Variants in TEKT3 observed in about 807,000 individuals in gnomAD.
The protein encoded by TEKT3 is tektin 3.
A neutral mutation model predicts 49.8 loss-of-function variants in TEKT3; 49 were observed. That is an observed-to-expected ratio of 0.98 (90% CI 0.78 to 1.25). The LOEUF (loss-of-function observed/expected upper bound fraction) is 1.25, where lower values mean the gene tolerates loss of function less well. Among genes scored for constraint, TEKT3 ranks in the 50% most tolerant of loss-of-function variants. The probability of loss-of-function intolerance (pLI) is 0.00; values close to 1 mark genes in which losing one functional copy is unlikely to be tolerated. For missense variants in TEKT3, 595 were observed against 629.5 expected, an observed-to-expected ratio of 0.95 and a Z score of 0.59; for synonymous variants, 225 against 237.2, an observed-to-expected ratio of 0.95 and a Z score of 0.47.
intron 2 of TEKT3, among the ~76,000 whole-genome samples, chr17:15,337,781 C>T (rs1168535112): frequency 6.6e-6 from 1 of 152,110 alleles, no homozygotes; most frequent in Non-Finnish European, 1.5e-5. Flanking sequence ...GCGGAGGTTG[C>T]AGTGAGCCGA....
chr17:15,337,636 G>A (rs575473801), intron 2 of TEKT3, among the ~76,000 whole-genome samples: 1 of 152,292 alleles, frequency 6.6e-6, no homozygotes, highest in African/African-American at 2.4e-5. Flanking sequence ...GAGGTCAGAA[G>A]TTCAAGACCA....
At chr17:15,318,083 A>G (rs950382971) in intron 5 of TEKT3, among the ~76,000 whole-genome samples, 1 of 143,850 alleles carries the variant, frequency 7.0e-6, no homozygotes, top group Non-Finnish European at 1.5e-5. Context: ...TCCACCTCCC[A>G]GGTTCACGCC....
At chr17:15,337,549 A>G (rs1466559453) in intron 2 of TEKT3, among the ~76,000 whole-genome samples, 1 of 152,222 alleles carries the variant, frequency 6.6e-6, no homozygotes. Flanking sequence ...AATAAGTTAA[A>G]AATAAAAATA....
At chr17:15,332,707 T>C (rs544600503) in intron 2 of TEKT3, among the ~76,000 whole-genome samples, 2 of 152,158 alleles carry the variant, frequency 1.3e-5, no homozygotes. Flanking sequence ...CAATGCTATG[T>C]ATTTAGAAGG....
intron 2 of TEKT3, among the ~76,000 whole-genome samples, chr17:15,333,259 C>A (rs1911846455): frequency 6.6e-6 from 1 of 152,166 alleles, no homozygotes; most frequent in African/African-American, 2.4e-5. Context: ...AGATCCAATT[C>A]TATGCACTGC....
At chr17:15,338,720 GT>G (rs1237428052) in intron 2 of TEKT3, among the ~76,000 whole-genome samples, 90 of 128,252 alleles carry the variant, frequency 7.0e-4, no homozygotes, top group African/African-American at 2.6e-3. Context: ...GTTTCACCGT[GT>G]TAGCTAGGAT....
chr17:15,326,535 G>A (rs1442282941), intron 4 of TEKT3, among the ~76,000 whole-genome samples: 1 of 152,136 alleles, frequency 6.6e-6, no homozygotes, highest in Non-Finnish European at 1.5e-5. Context: ...TTATCAACCA[G>A]GTATTTTTTT....
intron 5 of TEKT3, among the ~76,000 whole-genome samples, chr17:15,316,286 T>C (rs562576949): frequency 3.3e-5 from 5 of 152,270 alleles, no homozygotes; most frequent in South Asian, 2.1e-4. Flanking sequence ...AAGCATCTAT[T>C]GTTACAGTTC....
intron 8 of TEKT3, among the ~76,000 whole-genome samples, chr17:15,306,586 T>A (rs1910561861): frequency 6.6e-6 from 1 of 151,928 alleles, no homozygotes; most frequent in Non-Finnish European, 1.5e-5. Context: ...TAAAAATCAT[T>A]CAGCTCCTCA....
intron 3 of TEKT3, among the ~76,000 whole-genome samples, chr17:15,329,053 G>A (rs1422430232): frequency 6.6e-6 from 1 of 152,110 alleles, no homozygotes; most frequent in Non-Finnish European, 1.5e-5. Context: ...TTACCAAACT[G>A]CTTCCCAGGA....
At chr17:15,308,594 A>G (rs1910634616) in intron 8 of TEKT3, 70 bp downstream of exon 8, 1 of 1,557,788 alleles carries the variant, frequency 6.4e-7, no homozygotes, top group Non-Finnish European at 8.7e-7. Context: ...GCAGCTTTCT[A>G]AAGAGCCAGG....
chr17:15,316,698 G>T (rs1257497877), intron 5 of TEKT3, among the ~76,000 whole-genome samples: 1 of 152,202 alleles, frequency 6.6e-6, no homozygotes, highest in Non-Finnish European at 1.5e-5. Context: ...TTTGCTGCTT[G>T]CTAAACCTGA....
intron 2 of TEKT3, among the ~76,000 whole-genome samples, chr17:15,338,957 C>T (rs1161729071): frequency 6.6e-6 from 1 of 152,098 alleles, no homozygotes; most frequent in Admixed American, 6.6e-5. Context: ...AATTAGGCAA[C>T]TGCTTATTAT....
Position 15,314,229 on chromosome 17 carries a change from C to T in TEKT3, c.736G>A (p.Ala246Thr). ...HLDKAIAQLA[A>T]NRASQHELEK... ...AGCTCATGCTGGGACGCTCTGTTGG[C>T]TCTGCAATACAGAGTCGGGAAGTGG... is the stretch of plus-strand genomic sequence containing the variant. Residue 246 changes from alanine to threonine, a missense_variant and splice_region_variant, in exon 6 of 9, where the codon GCC becomes ACC. Physicochemically the swap from Ala to Thr is moderately conservative, Grantham distance 58. Coordinates refer to ENST00000395930, the MANE Select transcript of TEKT3 (RefSeq NM_031898.3). 6.2e-7 allele frequency: 1 copy of T among 1,614,186 alleles called. No individual in the cohort carries two copies. The highest frequency in any genetic ancestry group is 8.5e-7 in the Non-Finnish European group (1 of 1,180,028).
Position 15,319,120 on chromosome 17 carries a change from C to T in TEKT3, c.691G>A (p.Glu231Lys), listed in dbSNP as rs1911144956. 3 of 1,611,022 alleles carry T rather than the reference C, an allele frequency of 1.9e-6. No individual in the cohort carries two copies. Among genetic ancestry groups the T allele is most frequent in the Non-Finnish European group, 2.5e-6 (3 of 1,178,958 alleles). The change falls in exon 5 of 9, where the codon GAA becomes AAA. Residue 231 changes from glutamate to lysine, a missense_variant. By Grantham distance (56) the Glu-to-Lys change is moderately conservative. Coordinates refer to ENST00000395930, the MANE Select transcript of TEKT3 (RefSeq NM_031898.3). ...TTATCCAAATGTAGCTTCATTCTTT[C>T]TTGACAACACAGAATAGTATCAACT... ...TEVDTILCCQ[E>K]RMKLHLDKAI...
At chr17:15,333,722 GTTTATTTTATTTTATTTTAT>G (rs58481435) in intron 2 of TEKT3, among the ~76,000 whole-genome samples, 4 of 144,236 alleles carry the variant, frequency 2.8e-5, no homozygotes, top group East Asian at 2.1e-4. Context: ...CTTGGCTTTG[GTTTATTTTATTTTATTTTAT>G]TTTATTTTAT....
intron 8 of TEKT3, among the ~76,000 whole-genome samples, chr17:15,305,541 T>A (rs1910506403): frequency 6.6e-6 from 1 of 152,112 alleles, no homozygotes; most frequent in South Asian, 2.1e-4. Flanking sequence ...AGCAAAGAAA[T>A]ACATCTTCGG....
At chr17:15,336,589 A>G in intron 2 of TEKT3, among the ~76,000 whole-genome samples, 1 of 152,158 alleles carries the variant, frequency 6.6e-6, no homozygotes, top group East Asian at 1.9e-4. Flanking sequence ...TAACTTTCAA[A>G]TTTCTTTAAA....
At chr17:15,316,716 A>C (rs914342721) in intron 5 of TEKT3, among the ~76,000 whole-genome samples, 1 of 152,238 alleles carries the variant, frequency 6.6e-6, no homozygotes, top group African/African-American at 2.4e-5. Context: ...TGACCAGAGG[A>C]AAGTTATAAA....
Sources: gnomAD v4.1 joint callset for allele counts (sites outside exome capture counted in the v4.1 genomes callset) on GRCh38, gnomAD v4.1.1 for gene constraint, MANE v1.5 for transcripts, NCBI Gene and HGNC (gene_info 2026-07-23, HGNC 2026-07-21) for gene names.